Variants in SOX5 observed in about 807,000 individuals in gnomAD.
The protein encoded by SOX5 is transcription factor SOX-5.
In SOX5, 9 loss-of-function variants were observed where a neutral mutation model predicts 92.0. The observed-to-expected ratio is 0.10, with a 90% CI of 0.06 to 0.17. The LOEUF is 0.17. SOX5 is among the 10% of genes least tolerant of loss of function. SOX5 has a pLI of 1.00. For synonymous variants in SOX5, 344 were observed against 336.3 expected (o/e 1.02, Z -0.25); for missense variants, 642 against 944.5 (o/e 0.68, Z 4.20).
At position 23,862,659 on chromosome 12, in the gene SOX5, G is replaced by A. The variant is rs960143815; in HGVS notation, c.271-16466C>T. On this transcript the variant is annotated intron_variant, in intron 2 of 14. Transcript: ENST00000451604. ...GGATTCTAGCCTTGTACATTCCAAC[G>A]AATAATAATTTACGTTTTGCCTTAT... is the stretch of plus-strand genomic sequence containing the variant. Among the ~76,000 whole-genome samples, 4 of 152,144 alleles carry A rather than the reference G, an allele frequency of 2.6e-5. No individual in the cohort carries two copies. The East Asian group carries it at 5.8e-4, about 22-fold the overall frequency.
chr12:23,905,005 A>G (rs1195409921), intron 1 of SOX5, among the ~76,000 whole-genome samples: 1 of 152,232 alleles, frequency 6.6e-6, no homozygotes, highest in Non-Finnish European at 1.5e-5. Context: ...TGAAAAAAGA[A>G]AAACAAAAGC....
intron 1 of SOX5, among the ~76,000 whole-genome samples, chr12:23,902,158 A>C (rs1425433245): frequency 6.6e-6 from 1 of 152,154 alleles, no homozygotes; most frequent in Non-Finnish European, 1.5e-5. Context: ...AAAAACTTTA[A>C]AAAAAACTTT....
chr12:23,747,783 C>T (rs145175846), intron 4 of SOX5, among the ~76,000 whole-genome samples: 1 of 152,068 alleles, frequency 6.6e-6, no homozygotes, highest in East Asian at 1.9e-4. Context: ...TCAAATTCCT[C>T]CTGGTGGAGC....
chr12:24,073,599 C>T (rs1942088916), intron 4 of SOX5, among the ~76,000 whole-genome samples: 1 of 152,136 alleles, frequency 6.6e-6, no homozygotes, highest in Admixed American at 6.5e-5. Context: ...TACTGATTTA[C>T]AGCCATTTTC....
intron 4 of SOX5, among the ~76,000 whole-genome samples, chr12:24,133,605 G>A (rs1949853761): frequency 6.6e-6 from 1 of 152,028 alleles, no homozygotes; most frequent in East Asian, 1.9e-4. Flanking sequence ...GACTGTGGCG[G>A]GGATGCCAAA....
intron 3 of SOX5, among the ~76,000 whole-genome samples, chr12:23,827,426 C>T (rs1307382723): frequency 1.3e-5 from 2 of 152,244 alleles, no homozygotes; most frequent in East Asian, 1.9e-4. Flanking sequence ...AAGTTCCTTA[C>T]CCCTTTGCAG....
At chr12:23,598,320 G>A (rs1197766016) in intron 9 of SOX5, among the ~76,000 whole-genome samples, 1 of 150,264 alleles carries the variant, frequency 6.7e-6, no homozygotes, top group Non-Finnish European at 1.5e-5. Context: ...AAATATTGCT[G>A]TGGAGGCCTT....
At chr12:24,501,472 T>C (rs1168449699) in intron 1 of SOX5, among the ~76,000 whole-genome samples, 1 of 152,120 alleles carries the variant, frequency 6.6e-6, no homozygotes, top group Non-Finnish European at 1.5e-5. Context: ...AAATAGGCTA[T>C]ATTTTGCTTT....
At chr12:23,534,591 T>A (rs1939801746) in intron 14 of SOX5, 69 bp from the exon 15 acceptor site, 1 of 1,253,608 alleles carries the variant, frequency 8.0e-7, no homozygotes, top group African/African-American at 1.5e-5. Flanking sequence ...CTTTACTACA[T>A]AATTAATTTG....
At chr12:23,917,794 A>G (rs1022612624) in intron 1 of SOX5, among the ~76,000 whole-genome samples, 12 of 152,162 alleles carry the variant, frequency 7.9e-5, no homozygotes, top group African/African-American at 2.9e-4. Context: ...AGTGGGTATG[A>G]TTGGCTAATA....
At chr12:24,553,185 C>A (rs1047482336) in intron 1 of SOX5, among the ~76,000 whole-genome samples, 2 of 152,216 alleles carry the variant, frequency 1.3e-5, no homozygotes, top group East Asian at 1.9e-4. Context: ...CCCACACCAA[C>A]ACCTTGTGAT....
intron 4 of SOX5, among the ~76,000 whole-genome samples, chr12:23,974,322 T>C (rs1189706199): frequency 6.6e-6 from 1 of 152,178 alleles, no homozygotes; most frequent in African/African-American, 2.4e-5. Flanking sequence ...AATGCTGAAA[T>C]GAACATGGGA....
At chr12:24,104,477 T>A (rs1310633345) in intron 4 of SOX5, among the ~76,000 whole-genome samples, 1 of 152,152 alleles carries the variant, frequency 6.6e-6, no homozygotes, top group East Asian at 1.9e-4. Flanking sequence ...GAAAAACCTC[T>A]AAAAATTTAC....
intron 3 of SOX5, among the ~76,000 whole-genome samples, chr12:24,221,199 T>C (rs1430739550): frequency 6.6e-6 from 1 of 152,192 alleles, no homozygotes; most frequent in African/African-American, 2.4e-5. Context: ...AATAAAGTAA[T>C]TGTTACTAAT....
chr12:23,783,985 T>C (rs190122120), intron 3 of SOX5, among the ~76,000 whole-genome samples: 156 of 152,356 alleles, frequency 1.0e-3, no homozygotes, highest in African/African-American at 3.5e-3. Flanking sequence ...TGTGACACCG[T>C]TATTCTACTC....
At chr12:24,129,865 T>G (rs1949478126) in intron 4 of SOX5, among the ~76,000 whole-genome samples, 1 of 152,246 alleles carries the variant, frequency 6.6e-6, no homozygotes, top group Non-Finnish European at 1.5e-5. Context: ...GTTAGAGTTT[T>G]AGGTTTTTGT....
intron 1 of SOX5, among the ~76,000 whole-genome samples, chr12:23,908,879 T>C (rs1200458669): frequency 1.3e-5 from 2 of 152,148 alleles, no homozygotes. Flanking sequence ...TTCCTATTTT[T>C]CTAGCTTGAC....
rs202010197 is a variant in SOX5 at position 23,958,129 on chromosome 12, CAT to C, written c.-1-62107_-1-62106del. On this transcript the variant is annotated intron_variant, in intron 4 of 4. Transcript: ENST00000446891. ...TAAGCACATCTTAAAAAAATAAAAA[CAT>C]ATATCTAAGGTCATCAATACTCTTC... Among the ~76,000 whole-genome samples, 1,141 of 151,998 alleles carry C rather than the reference CAT, an allele frequency of 7.5e-3. 15 individuals carry two copies. Among genetic ancestry groups the C allele is most frequent in the African/African-American group, 0.026 (1,088 of 41,478 alleles).
At chr12:24,125,733 A>G (rs1949046262) in intron 4 of SOX5, among the ~76,000 whole-genome samples, 1 of 152,200 alleles carries the variant, frequency 6.6e-6, no homozygotes, top group African/African-American at 2.4e-5. Flanking sequence ...TTTCATCTTA[A>G]AAACCTAAAA....
Sources: allele counts gnomAD v4.1 joint callset (sites outside exome capture counted in the v4.1 genomes callset), GRCh38; gene constraint gnomAD v4.1.1; transcripts MANE v1.5; gene names NCBI Gene and HGNC (gene_info 2026-07-23, HGNC 2026-07-21).